The following SERPINB10 variants were observed in gnomAD, a reference collection of about 807,000 sequenced individuals.
SERPINB10 encodes the protein serpin family B member 10, also known as serpin B10.
A neutral mutation model predicts 39.1 loss-of-function variants in SERPINB10; 35 were observed. The ratio of observed to expected loss-of-function variants is 0.90; its 90% confidence interval spans 0.68 to 1.19. The LOEUF (loss-of-function observed/expected upper bound fraction) is 1.19. Among genes scored for constraint, SERPINB10 ranks in the 50% most tolerant of loss-of-function variants. The pLI, the probability that SERPINB10 is intolerant of heterozygous loss-of-function variation, is 0.00. For missense variants in SERPINB10, 546 were observed against 460.5 expected, an observed-to-expected ratio of 1.19 and a Z score of -1.70; for synonymous variants, 190 against 158.1, an observed-to-expected ratio of 1.20 and a Z score of -1.52.
chr18:63,920,504 A>G (rs573396367), intron 5 of SERPINB10, among the ~76,000 whole-genome samples: 1 of 152,040 alleles, frequency 6.6e-6, no homozygotes, highest in Non-Finnish European at 1.5e-5. Context: ...GCCATCCTCA[A>G]TACATGGCTT....
intron 2 of SERPINB10, among the ~76,000 whole-genome samples, chr18:63,916,315 C>A (rs908978786): frequency 1.4e-5 from 2 of 146,894 alleles, no homozygotes; most frequent in African/African-American, 2.5e-5. Context: ...TATATATATG[C>A]AACAATATGT....
intron 5 of SERPINB10, among the ~76,000 whole-genome samples, chr18:63,927,890 G>T (rs2050192050): frequency 1.3e-5 from 2 of 151,986 alleles, no homozygotes; most frequent in East Asian, 3.9e-4. Context: ...CTAGGTATAT[G>T]CCAGCTTGAT....
rs762813126 is a variant in SERPINB10, at chr18:63,915,518, C to T, written c.8C>T (p.Ser3Phe). 3.7e-6 allele frequency: 6 copies of T among 1,611,024 alleles called. No individual in the cohort carries two copies. In the Admixed American group the frequency reaches 1.0e-4, roughly 27 times the overall value. The change falls in exon 2 of 8, where the codon TCT becomes TTT. Residue 3 changes from serine to phenylalanine, a missense_variant. Transcript: ENST00000238508. The stretch of plus-strand genomic sequence containing the variant: ...TTTTCTTAGGTTTCCTCAATGGACT[C>T]TCTAGCAACATCAATCAACCAGTTT... MD[S>F]LATSINQFAL...
intron 2 of SERPINB10, among the ~76,000 whole-genome samples, chr18:63,916,903 G>T (rs1292788779): frequency 3.3e-5 from 5 of 151,970 alleles, no homozygotes. Context: ...ATTGCCTTCT[G>T]TTCTATTGTT....
At chr18:63,914,934 C>T (rs1486942551) in intron 1 of SERPINB10, among the ~76,000 whole-genome samples, 2 of 152,042 alleles carry the variant, frequency 1.3e-5, no homozygotes, top group East Asian at 3.9e-4. Flanking sequence ...TAAAGACAAA[C>T]AGTCTTAACT....
chr18:63,915,638 AT>A lies in SERPINB10; in HGVS notation c.131del (p.Leu44TrpfsTer39). 1 of 1,612,088 alleles carries A rather than the reference AT, an allele frequency of 6.2e-7. No homozygotes were observed. The highest frequency in any genetic ancestry group is 8.5e-7 in the Non-Finnish European group (1 of 1,178,826). On this transcript the variant is annotated frameshift_variant, in exon 2 of 8. Coordinates refer to ENST00000238508, the MANE Select transcript of SERPINB10 (RefSeq NM_005024.3). LOFTEE classifies it high-confidence loss of function. ...WSISTSLTIVYLGAKGTTAAQ... is the reference protein window; with the variant it reads ...WSISTSLTIVXLGAKGTTAAQ... The stretch of plus-strand genomic sequence containing the variant: ...ATCTCAACTTCCTTGACCATAGTGT[AT>A]TTGGGCGCCAAAGGTACCACTGCAG...
At chr18:63,921,139 ATTAATGAAGATTAATTAATCATTCATGAC>A (rs1360185930) in intron 5 of SERPINB10, among the ~76,000 whole-genome samples, 1 of 151,996 alleles carries the variant, frequency 6.6e-6, no homozygotes, top group Non-Finnish European at 1.5e-5. Flanking sequence ...AGGCATCATC[ATTAATGAAGATTAATTAATCATTCATGAC>A]TTAATGAAGA....
chr18:63,932,887 A>G (rs2050233002), intron 6 of SERPINB10, among the ~76,000 whole-genome samples, 161 bp from the exon 7 acceptor site: 1 of 152,230 alleles, frequency 6.6e-6, no homozygotes, highest in African/African-American at 2.4e-5. Context: ...AGTGGAACAG[A>G]TATTTCCATA....
intron 5 of SERPINB10, among the ~76,000 whole-genome samples, chr18:63,924,879 G>T (rs1230241836): frequency 6.6e-6 from 1 of 151,610 alleles, no homozygotes; most frequent in Non-Finnish European, 1.5e-5. Flanking sequence ...ACAAACATAT[G>T]GTCTAAAACA....
At chr18:63,928,841 C>CTGTT (rs59436817) in intron 5 of SERPINB10, among the ~76,000 whole-genome samples, 54,694 of 141,504 alleles carry the variant, frequency 0.39, 13,386 homozygotes, top group African/African-American at 0.69. Context: ...ATTTGGCTCT[C>CTGTT]TGTCTGTTGT....
In SERPINB10 at chr18:63,925,451, A is replaced by C. The variant is rs565963504; in HGVS notation, c.491-4594A>C. ...GGGACAAGCGAAGTACAAGATAAGG[A>C]CTTTTTGTGGTGACAGAATGTAAGG... On this transcript the variant is annotated intron_variant, in intron 5 of 7. Transcript: ENST00000238508. Among the ~76,000 whole-genome samples the C allele has an allele frequency of 3.9e-5, 6 of 152,112 alleles. No homozygotes were observed. The South Asian group carries it at 1.2e-3, about 31-fold the overall frequency.
At chr18:63,918,956 T>C (rs2050125356) in intron 4 of SERPINB10, among the ~76,000 whole-genome samples, 1 of 143,810 alleles carries the variant, frequency 7.0e-6, no homozygotes, top group Admixed American at 7.4e-5. Context: ...CAGGCAGTGG[T>C]CCCTCAAAAA....
At chr18:63,917,167 A>G (rs929202242) in intron 2 of SERPINB10, among the ~76,000 whole-genome samples, 1 of 152,074 alleles carries the variant, frequency 6.6e-6, no homozygotes. Flanking sequence ...GTAAAAAGGA[A>G]ATACGGAAAA....
intron 5 of SERPINB10, among the ~76,000 whole-genome samples, chr18:63,921,633 C>T (rs141325060): frequency 8.8e-4 from 134 of 151,960 alleles, no homozygotes; most frequent in African/African-American, 3.1e-3. Context: ...CCCAAATTAC[C>T]TGCCTAGAAT....
chr18:63,917,079 A>G (rs910407495), intron 2 of SERPINB10, among the ~76,000 whole-genome samples: 2 of 152,008 alleles, frequency 1.3e-5, no homozygotes, highest in East Asian at 1.9e-4. Flanking sequence ...AATTTTCCAC[A>G]TAATTATGGC....
chr18:63,918,388 T>C (rs539380261), intron 4 of SERPINB10, among the ~76,000 whole-genome samples: 1 of 152,026 alleles, frequency 6.6e-6, no homozygotes, highest in African/African-American at 2.4e-5. Context: ...ACTGTCTACT[T>C]GAGAGCAAAA....
At chr18:63,910,320 T>G (rs2050054740) in intron 1 of SERPINB10, among the ~76,000 whole-genome samples, 1 of 152,014 alleles carries the variant, frequency 6.6e-6, no homozygotes, top group African/African-American at 2.4e-5. Context: ...AGTTTTTACT[T>G]TTGACTCAGA....
At position 63,934,850 on chromosome 18, in the gene SERPINB10, A is replaced by T; in HGVS notation, c.802A>T (p.Ile268Phe). The T allele has an allele frequency of 6.3e-7, 1 of 1,596,978 alleles. No homozygotes were observed. Among genetic ancestry groups the T allele is most frequent in the Non-Finnish European group, 8.5e-7 (1 of 1,172,732 alleles). ...TCCAAATGGGCAGCTGGAAAAGGCCATCACCTATGAGAAGCTGAATGAGTG... is the reference window on the plus strand; with the variant it reads ...TCCAAATGGGCAGCTGGAAAAGGCCTTCACCTATGAGAAGCTGAATGAGTG... ...INGLEQLEKA[I>F]TYEKLNEWTS... Residue 268 changes from isoleucine (I) to phenylalanine (F), a missense_variant, in exon 8 of 8, where the codon ATC (isoleucine) becomes TTC (phenylalanine). By Grantham distance (21) the Ile-to-Phe change is conservative. Coordinates refer to ENST00000238508, the MANE Select transcript of SERPINB10 (RefSeq NM_005024.3).
intron 6 of SERPINB10, among the ~76,000 whole-genome samples, chr18:63,930,976 T>C (rs1544899): frequency 0.41 from 62,682 of 152,052 alleles, 15,790 homozygotes; most frequent in African/African-American, 0.71. Context: ...GTGCAATAGG[T>C]ATTTCTCAAT....
Sources: gnomAD v4.1 joint callset for allele counts (sites outside exome capture counted in the v4.1 genomes callset) on GRCh38, gnomAD v4.1.1 for gene constraint, MANE v1.5 for transcripts, NCBI Gene and HGNC (gene_info 2026-07-23, HGNC 2026-07-21) for gene names.